ANGEL2: variants seen among roughly 807,000 people sequenced by gnomAD.
ANGEL2 encodes angel homolog 2.
In ANGEL2, 41 loss-of-function variants were observed where a neutral mutation model predicts 66.0. The observed-to-expected ratio is 0.62, with a 90% CI of 0.48 to 0.81. ANGEL2 has a LOEUF of 0.81. ANGEL2 is among the 30% of genes least tolerant of loss of function. The probability of loss-of-function intolerance (pLI) is 0.00; values close to 1 mark genes in which losing one functional copy is unlikely to be tolerated. For missense variants in ANGEL2, 561 were observed against 641.6 expected (o/e 0.87, Z 1.36); for synonymous variants, 208 against 226.5 (o/e 0.92, Z 0.73).
intron 7 of ANGEL2, among the ~76,000 whole-genome samples, chr1:212,998,053 A>G (rs1354402334): frequency 6.6e-6 from 1 of 150,766 alleles, no homozygotes; most frequent in African/African-American, 2.4e-5. Context: ...AATGCCCTCT[A>G]AGTTTTATTA....
chr1:213,001,062 T>A, intron 5 of ANGEL2, 150 bp from the exon 6 acceptor site: 1 of 684,364 alleles, frequency 1.5e-6, no homozygotes, highest in Non-Finnish European at 2.3e-6. Flanking sequence ...ACTTATAAAA[T>A]CTTCTTTTCT....
chr1:213,006,316 T>C (rs2076326014), intron 4 of ANGEL2, among the ~76,000 whole-genome samples: 1 of 151,930 alleles, frequency 6.6e-6, no homozygotes, highest in Non-Finnish European at 1.5e-5. Flanking sequence ...TTCAAAAAAT[T>C]AGCTGGGCAT....
rs185851095 is a variant in ANGEL2, at chr1:212,996,261, A to C, written c.1483+894T>G. On this transcript the variant is annotated intron_variant, in intron 8 of 8. Coordinates refer to ENST00000366962, the MANE Select transcript of ANGEL2 (RefSeq NM_144567.5). ...GGCGGAGCTTGCAGTGAGCTGAGAT[A>C]GCGCCACTGCACTCCAGCCTGGGCG... Among the ~76,000 whole-genome samples, 374 of 152,138 alleles carry C rather than the reference A, an allele frequency of 2.5e-3. 9 individuals are homozygous for C. The East Asian group carries it at 0.057, about 23-fold the overall frequency.
chr1:213,006,765 A>T, intron 4 of ANGEL2: 1 of 196,068 alleles, frequency 5.1e-6, no homozygotes, highest in Non-Finnish European at 1.0e-5. Flanking sequence ...CCAACACAAA[A>T]GTTTCCAGTG....
At chr1:213,003,923 G>A (rs766943273) in intron 5 of ANGEL2, among the ~76,000 whole-genome samples, 4 of 152,138 alleles carry the variant, frequency 2.6e-5, no homozygotes, top group Admixed American at 6.5e-5. Flanking sequence ...TTATTGGCTG[G>A]GCATGGTGGC....
chr1:213,000,966 A>G, intron 5 of ANGEL2, 54 bp from the exon 6 acceptor site: 1 of 1,551,218 alleles, frequency 6.4e-7, no homozygotes, highest in South Asian at 1.2e-5. Flanking sequence ...ATAGCTTATG[A>G]GTTGAAAAAT....
Position 213,008,279 on chromosome 1 carries a change from C to T in ANGEL2, c.573G>A (p.Arg191=), listed in dbSNP as rs758872799. 4.3e-6 allele frequency: 7 copies of T among 1,613,998 alleles called. No homozygotes were observed. Among genetic ancestry groups the T allele is most frequent in the Admixed American group, 1.7e-5 (1 of 60,022 alleles). ...EDNSHLYRHC[R]RPVLHWSFRF... Reference sequence around the variant, plus strand: ...TAAAACTCCAGTGTAATACTGGCCGCCGGCAATGTCTATAAAGGTGAGAGT... The same window carrying T: ...TAAAACTCCAGTGTAATACTGGCCGTCGGCAATGTCTATAAAGGTGAGAGT... Residue 191 remains arginine (R), a synonymous_variant, in exon 3 of 9, where the codon CGG becomes CGA. Coordinates refer to ENST00000366962, the MANE Select transcript of ANGEL2 (RefSeq NM_144567.5).
At chr1:213,015,022 A>T in intron 1 of ANGEL2, 1 of 687,980 alleles carries the variant, frequency 1.5e-6, no homozygotes, top group Middle Eastern at 7.4e-4. Context: ...CACCTACTGA[A>T]GTGCTTTTTA....
chr1:213,013,285 G>A lies in ANGEL2; in HGVS notation c.193C>T (p.Pro65Ser). Residue 65 changes from proline (P) to serine (S), a missense_variant, in exon 2 of 9, where the codon CCT becomes TCT. Transcript: ENST00000366962. The part of the protein sequence containing the change: ...MRWPGHYSRA[P>S]YPYFSSRHFS... ...TGCCTACTACTGAAGTATGGGTAAG[G>A]AGCTCGAGAGTAATGTCCAGGCCAC... is the stretch of plus-strand genomic sequence containing the variant. 6.2e-7 allele frequency: 1 copy of A among 1,614,148 alleles called. No individual in the cohort carries two copies. The highest frequency in any genetic ancestry group is 8.5e-7 in the Non-Finnish European group (1 of 1,180,018).
intron 2 of ANGEL2, among the ~76,000 whole-genome samples, 181 bp from the exon 3 acceptor site, chr1:213,008,647 C>T (rs775180998): frequency 1.3e-4 from 20 of 152,124 alleles, no homozygotes; most frequent in Middle Eastern, 3.2e-3. Flanking sequence ...GTTACAAATG[C>T]GGTAACACAA....
chr1:213,002,426 G>C (rs1294868514), intron 5 of ANGEL2, among the ~76,000 whole-genome samples: 1 of 152,222 alleles, frequency 6.6e-6, no homozygotes, highest in Non-Finnish European at 1.5e-5. Flanking sequence ...CACAGGTAGA[G>C]TGGATTTAGC....
chr1:212,998,677 A>G (rs1301110113), intron 7 of ANGEL2, among the ~76,000 whole-genome samples: 1 of 148,768 alleles, frequency 6.7e-6, no homozygotes, highest in Non-Finnish European at 1.5e-5. Flanking sequence ...GCCCACCACC[A>G]CACCTAGCTA....
chr1:213,009,760 G>A (rs1295826236), intron 2 of ANGEL2, among the ~76,000 whole-genome samples: 3 of 152,184 alleles, frequency 2.0e-5, no homozygotes, highest in African/African-American at 7.2e-5. Context: ...TCATTTTAAA[G>A]TATGATTAGG....
In ANGEL2 at chr1:213,013,281, T is replaced by C. The variant is rs759667959; in HGVS notation, c.197A>G (p.Tyr66Cys). ...RWPGHYSRAP[Y>C]PYFSSRHFSL... ...AAAATGCCTACTACTGAAGTATGGG[T>C]AAGGAGCTCGAGAGTAATGTCCAGG... The change falls in exon 2 of 9, where the codon TAC (tyrosine) becomes TGC (cysteine). Residue 66 changes from tyrosine to cysteine, a missense_variant. Coordinates refer to ENST00000366962, the MANE Select transcript of ANGEL2 (RefSeq NM_144567.5). The C allele has an allele frequency of 1.1e-5, 18 of 1,612,340 alleles. No individual in the cohort carries two copies. The East Asian group carries it at 3.8e-4, about 34-fold the overall frequency.
intron 2 of ANGEL2, chr1:213,011,281 G>C: frequency 7.8e-7 from 1 of 1,284,214 alleles, no homozygotes. Flanking sequence ...CAATAGGCCT[G>C]ATCAGGTTTT....
intron 7 of ANGEL2, among the ~76,000 whole-genome samples, chr1:212,999,815 T>C (rs767704955): frequency 1.1e-4 from 17 of 152,202 alleles, no homozygotes; most frequent in Non-Finnish European, 1.9e-4. Flanking sequence ...ATTAAAATGA[T>C]CATCTTTTCA....
Position 213,007,121 on chromosome 1 carries a change from C to T in ANGEL2, c.712+8G>A, listed in dbSNP as rs376621550. ...AAAGAAAAAAAAAAAAAAAAAGTTG[C>T]ATTGTACCCAGTGATTCCAAACTTG... On this transcript the variant is annotated splice_region_variant and intron_variant, in intron 4 of 8. Transcript: ENST00000366962. 8 of 1,582,242 alleles carry T rather than the reference C, an allele frequency of 5.1e-6. No individual in the cohort carries two copies. In the African/African-American group the frequency reaches 6.8e-5, roughly 13 times the overall value.
At chr1:212,996,622 C>CAG (rs1558167053) in intron 8 of ANGEL2, among the ~76,000 whole-genome samples, 1 of 22,706 alleles carries the variant, frequency 4.4e-5, no homozygotes, top group African/African-American at 1.3e-4. Flanking sequence ...GACTCTGTAT[C>CAG]CAAAAAAAAA....
chr1:213,015,310 G>C, intron 1 of ANGEL2: 1 of 1,319,732 alleles, frequency 7.6e-7, no homozygotes, highest in African/African-American at 1.5e-5. Context: ...TGGTCTGGAG[G>C]CTGGGTTGGG....
Sources: allele counts gnomAD v4.1 joint callset (sites outside exome capture counted in the v4.1 genomes callset), GRCh38; gene constraint gnomAD v4.1.1; transcripts MANE v1.5; gene names NCBI Gene and HGNC (gene_info 2026-07-23, HGNC 2026-07-21).